OSBPL7: variants seen among roughly 807,000 people sequenced by gnomAD.
The protein encoded by OSBPL7 is oxysterol binding protein like 7.
A neutral mutation model predicts 115.8 loss-of-function variants in OSBPL7; 66 were observed. The observed-to-expected ratio is 0.57, with a 90% confidence interval of 0.47 to 0.70. The LOEUF (loss-of-function observed/expected upper bound fraction) is 0.70, where lower values mean the gene tolerates loss of function less well. Ranked by LOEUF, OSBPL7 falls within the 30% of genes least tolerant of loss-of-function variation. The probability of loss-of-function intolerance (pLI) is 0.00; values close to 1 mark genes in which losing one functional copy is unlikely to be tolerated. For synonymous variants in OSBPL7, 441 were observed against 439.2 expected (o/e 1.00, Z -0.05); for missense variants, 902 against 1,125.5 (o/e 0.80, Z 2.84).
rs763121022 is a variant in OSBPL7 at position 47,818,491 on chromosome 17, C to G, written c.480+15G>C. On this transcript the variant is annotated intron_variant, in intron 6 of 22. Transcript: ENST00000007414. ...ATTGCCACATTACCTGCCCCCACCC[C>G]AGGGTCCACCTTACCTTCCGGTGAG... 1 of 1,591,252 alleles carries G rather than the reference C, an allele frequency of 6.3e-7. No individual in the cohort carries two copies. The highest frequency in any genetic ancestry group is 8.6e-7 in the Non-Finnish European group (1 of 1,166,854).
intron 14 of OSBPL7, 42 bp downstream of exon 14, chr17:47,814,479 A>AGCCCCCC: frequency 2.7e-5 from 29 of 1,086,638 alleles, no homozygotes; most frequent in Middle Eastern, 2.5e-4. Flanking sequence ...CTGTTTTTCC[A>AGCCCCCC]CCCGCCTCCC....
intron 16 of OSBPL7, among the ~76,000 whole-genome samples, chr17:47,812,325 C>T (rs1156541240): frequency 6.6e-6 from 1 of 152,222 alleles, no homozygotes; most frequent in Non-Finnish European, 1.5e-5. Context: ...TCCCTAGACA[C>T]TGCGAGCAGT....
Position 47,807,763 on chromosome 17 carries a change from G to T in OSBPL7, c.*528C>A. The T allele has an allele frequency of 6.3e-6, 1 of 158,648 alleles. No homozygotes were observed. Among genetic ancestry groups the T allele is most frequent in the Non-Finnish European group, 1.4e-5 (1 of 71,470 alleles). The allele number at this position is 158,648 out of a possible 1,614,324, so 9.8% of individuals were successfully genotyped here. A position where few individuals can be genotyped will look rare whatever the true frequency, so the allele number is the denominator to read the frequency against. ...GATCCAGGACAGGAGGGATGGCCAG[G>T]GACTAACCAAAGGGAGCTGGAGAAG... On this transcript the variant is annotated 3_prime_UTR_variant, in exon 23 of 23. Coordinates refer to ENST00000007414, the MANE Select transcript of OSBPL7 (RefSeq NM_145798.3).
intron 5 of OSBPL7, 108 bp from the exon 6 acceptor site, chr17:47,818,724 A>T: frequency 9.8e-7 from 1 of 1,025,584 alleles, no homozygotes; most frequent in Admixed American, 2.4e-5. Flanking sequence ...CTTCTTACAG[A>T]GCCTGGTTTG....
rs2033125170 is a variant in OSBPL7 at position 47,813,800 on chromosome 17, G to C, written c.1386C>G (p.Pro462=). 6.2e-7 allele frequency: 1 copy of C among 1,612,148 alleles called. No homozygotes were observed. Among genetic ancestry groups the C allele is most frequent in the Non-Finnish European group, 8.5e-7 (1 of 1,179,670 alleles). Residue 462 remains proline, a synonymous_variant, in exon 15 of 23, where the codon CCC becomes CCG. Transcript: ENST00000007414. ...TGGCCGCCGGCAGGCAGCGACGGCGGGGTGGCCCCATGGGTCTCCCTGGAA... is the reference window on the plus strand; with the variant it reads ...TGGCCGCCGGCAGGCAGCGACGGCGCGGTGGCCCCATGGGTCTCCCTGGAA... ...GCVPGRPMGP[P]RRRCLPAASG...
In OSBPL7 at chr17:47,807,405, AT is replaced by A. The variant is rs2032892282; in HGVS notation, c.*885del. 1 of 152,768 alleles carries A rather than the reference AT, an allele frequency of 6.5e-6. No homozygotes were observed. Among genetic ancestry groups the A allele is most frequent in the African/African-American group, 2.4e-5 (1 of 41,576 alleles). 9.5% of individuals were successfully genotyped at this position (152,768 alleles called of 1,614,324 possible). On this transcript the variant is annotated 3_prime_UTR_variant, in exon 23 of 23. Coordinates refer to ENST00000007414, the MANE Select transcript of OSBPL7 (RefSeq NM_145798.3). ...AGTCTTTATTGGAGCTTGGAATGTC[AT>A]AGCAATTCGCCCTCATCAGAGGCAG... is the stretch of plus-strand genomic sequence containing the variant.
rs551836185 is a variant in OSBPL7, at chr17:47,819,674, A to T, written c.255+55T>A. Reference sequence around the variant, plus strand: ...GATTCCAGATACCCCATGCCTGCCCAGGGCATACTGGGGCCAGACTCCTCC... The same window carrying T: ...GATTCCAGATACCCCATGCCTGCCCTGGGCATACTGGGGCCAGACTCCTCC... On this transcript the variant is annotated intron_variant, in intron 4 of 22. Transcript: ENST00000007414. The T allele has an allele frequency of 1.0e-5, 16 of 1,601,746 alleles. No homozygotes were observed. In the East Asian group the frequency reaches 3.1e-4, roughly 31 times the overall value.
At position 47,809,489 on chromosome 17, in the gene OSBPL7, CAA is replaced by C; in HGVS notation, c.1881-13_1881-12del. ...AAGTGGTCCCCAAACCTGAGAAAGA[CAA>C]GGTATGGAAGGGCAGCTGGCTGGCC... On this transcript the variant is annotated splice_polypyrimidine_tract_variant and intron_variant, in intron 18 of 22. Coordinates refer to ENST00000007414, the MANE Select transcript of OSBPL7 (RefSeq NM_145798.3). The C allele has an allele frequency of 6.2e-7, 1 of 1,608,970 alleles. No homozygotes were observed. The highest frequency in any genetic ancestry group is 1.3e-5 in the African/African-American group (1 of 74,958).
In OSBPL7 at chr17:47,808,875, C is replaced by A. The variant is rs1157602330; in HGVS notation, c.2286G>T (p.Arg762=). 6.2e-7 allele frequency: 1 copy of A among 1,614,114 alleles called. No homozygotes were observed. Residue 762 remains arginine, a synonymous_variant, in exon 21 of 23, where the codon CGG becomes CGT. Coordinates refer to ENST00000007414, the MANE Select transcript of OSBPL7 (RefSeq NM_145798.3). The surrounding 1 kb of genome is among the most constrained non-coding windows in gnomAD (Gnocchi z 6.1). ...CATCCGGCACTGACCTCTGGTCTGG[C>A]CGGAGTCTCGTGTCGGTGGAAGGCA... ...RSLPSTDTRL[R]PDQRYLEEGN...
chr17:47,817,560 G>C (rs992560685), intron 7 of OSBPL7, among the ~76,000 whole-genome samples: 8 of 151,944 alleles, frequency 5.3e-5, no homozygotes, highest in African/African-American at 1.9e-4. Context: ...TGGCTAATTT[G>C]TTGTATTTTT....
intron 12 of OSBPL7, 195 bp from the exon 13 acceptor site, chr17:47,815,547 G>A (rs576792821): frequency 6.1e-5 from 39 of 641,354 alleles, no homozygotes; most frequent in Admixed American, 2.1e-4. Flanking sequence ...CCCTGGCCTG[G>A]GAGTGAGGGG....
At chr17:47,811,984 T>C (rs77110837) in intron 16 of OSBPL7, among the ~76,000 whole-genome samples, 3,206 of 152,308 alleles carry the variant, frequency 0.021, 47 homozygotes, top group Middle Eastern at 0.051. Flanking sequence ...TTTTCTGTTG[T>C]ACGCACGAGT....
rs369956124 is a variant in OSBPL7, at chr17:47,813,407, T to G, written c.1600-4A>C. ...CAGCAAAGGCTGCGATGTACACCTGTGGGGGGCAAGGAAGGTGCAGGGTAC... is the reference window on the plus strand; with the variant it reads ...CAGCAAAGGCTGCGATGTACACCTGGGGGGGGCAAGGAAGGTGCAGGGTAC... On this transcript the variant is annotated splice_region_variant and splice_polypyrimidine_tract_variant and intron_variant, in intron 15 of 22. Transcript: ENST00000007414. 42 of 1,613,522 alleles carry G rather than the reference T, an allele frequency of 2.6e-5. No individual in the cohort carries two copies. The African/African-American group carries it at 4.7e-4, about 18-fold the overall frequency.
chr17:47,808,469 C>T lies in OSBPL7; in HGVS notation c.2420+69G>A, dbSNP rs2032927657. On this transcript the variant is annotated intron_variant, in intron 22 of 22. Transcript: ENST00000007414. This position sits in a 1 kb window ranked among gnomAD's most constrained non-coding sequence, Gnocchi z 6.1. Reference sequence around the variant, plus strand: ...GCAGGCTAGGGTCCTAAGGTGCTGCCTCCCACACCTGCCCTGCTCCAAGCA... The same window carrying T: ...GCAGGCTAGGGTCCTAAGGTGCTGCTTCCCACACCTGCCCTGCTCCAAGCA... The T allele has an allele frequency of 5.0e-6, 8 of 1,613,764 alleles. No homozygotes were observed. The highest frequency in any genetic ancestry group is 6.8e-6 in the Non-Finnish European group (8 of 1,179,788).
At position 47,816,084 on chromosome 17, in the gene OSBPL7, C is replaced by A. The variant is rs1355695658; in HGVS notation, c.1119+23G>T. The A allele has an allele frequency of 6.5e-7, 1 of 1,538,152 alleles. No individual in the cohort carries two copies. The highest frequency in any genetic ancestry group is 8.8e-7 in the Non-Finnish European group (1 of 1,139,322). The stretch of plus-strand genomic sequence containing the variant: ...GAGAAGGCACAGGAGAATCGGCCCC[C>A]ACAGCCCACCCTGGCTCCTCACCTC... On this transcript the variant is annotated intron_variant, in intron 12 of 22. Transcript: ENST00000007414. This position sits in a 1 kb window ranked among gnomAD's most constrained non-coding sequence, Gnocchi z 5.8.
At position 47,807,394 on chromosome 17, in the gene OSBPL7, C is replaced by G. The variant is rs2032891895; in HGVS notation, c.*897G>C. The G allele has an allele frequency of 6.6e-6, 1 of 152,598 alleles. No individual in the cohort carries two copies. Among genetic ancestry groups the G allele is most frequent in the South Asian group, 2.1e-4 (1 of 4,828 alleles). 9.5% of individuals were successfully genotyped at this position (152,598 alleles called of 1,614,324 possible). ...AAGTCTGGGACAGTCTTTATTGGAG[C>G]TTGGAATGTCATAGCAATTCGCCCT... On this transcript the variant is annotated 3_prime_UTR_variant, in exon 23 of 23. Coordinates refer to ENST00000007414, the MANE Select transcript of OSBPL7 (RefSeq NM_145798.3).
intron 16 of OSBPL7, 106 bp downstream of exon 16, chr17:47,813,160 G>T (rs769203431): frequency 8.7e-5 from 127 of 1,466,658 alleles, no homozygotes; most frequent in Non-Finnish European, 1.2e-4. Flanking sequence ...AACTGCCCAC[G>T]CTCCTCTCCC....
rs749157683 is a variant in OSBPL7 at position 47,808,885 on chromosome 17, G to A, written c.2276C>T (p.Thr759Met). The change falls in exon 21 of 23, where the codon ACG (threonine) becomes ATG (methionine). Residue 759 changes from threonine to methionine, a missense_variant. Physicochemically the swap from Thr to Met is moderately conservative, Grantham distance 81. Transcript: ENST00000007414. The surrounding 1 kb of genome is among the most constrained non-coding windows in gnomAD (Gnocchi z 6.1). ...TGACCTCTGGTCTGGCCGGAGTCTC[G>A]TGTCGGTGGAAGGCAGCGACCGTTT... Reference protein sequence around the residue: ...ELKRSLPSTDTRLRPDQRYLE... With the variant: ...ELKRSLPSTDMRLRPDQRYLE... The A allele has an allele frequency of 1.2e-6, 2 of 1,614,218 alleles. No individual in the cohort carries two copies. The highest frequency in any genetic ancestry group is 8.5e-7 in the Non-Finnish European group (1 of 1,180,032).
rs1471080457 is a variant in OSBPL7, at chr17:47,813,823, G to T, written c.1363C>A (p.Pro455Thr). The change falls in exon 15 of 23, where the codon CCA becomes ACA. Residue 455 changes from proline (P) to threonine (T), a missense_variant. Physicochemically the swap from Pro to Thr is conservative, Grantham distance 38. Around this residue, in one of 3 missense-constraint regions of OSBPL7, gnomAD observed 667 missense variants for 788.7 expected, o/e 0.85. Transcript: ENST00000007414. ...CGGGGTGGCCCCATGGGTCTCCCTGGAACACACCCCCCTGGGGCCGCCCTG... is the reference window on the plus strand; with the variant it reads ...CGGGGTGGCCCCATGGGTCTCCCTGTAACACACCCCCCTGGGGCCGCCCTG... ...AERCQKGGCVPGRPMGPPRRR... is the reference protein window; with the variant it reads ...AERCQKGGCVTGRPMGPPRRR... 1 of 1,609,752 alleles carries T rather than the reference G, an allele frequency of 6.2e-7. No individual in the cohort carries two copies. The highest frequency in any genetic ancestry group is 1.1e-5 in the South Asian group (1 of 90,840).
Sources: gnomAD v4.1 joint callset for allele counts (sites outside exome capture counted in the v4.1 genomes callset) on GRCh38, gnomAD v4.1.1 for gene constraint, gnomAD v4.1.1 regional missense constraint, Gnocchi (gnomAD v3.1) non-coding constraint, MANE v1.5 for transcripts, NCBI Gene and HGNC (gene_info 2026-07-23, HGNC 2026-07-21) for gene names.